Variants in KSR2 observed in about 807,000 individuals in gnomAD.
KSR2 encodes the protein kinase suppressor of ras 2.
KSR2 carries 25 observed loss-of-function variants against 107.8 expected under a neutral mutation model. The observed-to-expected ratio is 0.23, with a 90% confidence interval of 0.17 to 0.32. KSR2 has a LOEUF of 0.32. Ranked by LOEUF, KSR2 falls within the 10% of genes least tolerant of loss-of-function variation. KSR2 has a pLI of 1.00. For synonymous variants in KSR2, 480 were observed against 507.0 expected (o/e 0.95, Z 0.71); for missense variants, 887 against 1,268.9 (o/e 0.70, Z 4.57).
intron 9 of KSR2, among the ~76,000 whole-genome samples, chr12:117,554,930 C>A (rs1192298574): frequency 6.6e-6 from 1 of 152,186 alleles, no homozygotes; most frequent in Non-Finnish European, 1.5e-5. Context: ...TTCCTGGACA[C>A]CCTCATCCAT....
chr12:117,751,118 A>G (rs950368406), intron 4 of KSR2, among the ~76,000 whole-genome samples: 1 of 152,130 alleles, frequency 6.6e-6, no homozygotes, highest in Non-Finnish European at 1.5e-5. Context: ...TCCTGTTTTC[A>G]TGATAGTGAG....
chr12:117,953,601 G>A (rs541346821), intron 1 of KSR2, among the ~76,000 whole-genome samples: 1 of 152,286 alleles, frequency 6.6e-6, no homozygotes, highest in South Asian at 2.1e-4. Context: ...GGTACCTAGA[G>A]TATTAAGTTC....
At chr12:117,498,782 G>A (rs1162126528) in intron 14 of KSR2, among the ~76,000 whole-genome samples, 1 of 152,178 alleles carries the variant, frequency 6.6e-6, no homozygotes, top group African/African-American at 2.4e-5. Flanking sequence ...ATAAAGGGGA[G>A]TTTCCCTGCG....
intron 4 of KSR2, among the ~76,000 whole-genome samples, chr12:117,729,690 A>G (rs927184412): frequency 1.3e-5 from 2 of 151,318 alleles, no homozygotes; most frequent in South Asian, 2.1e-4. Context: ...CCATCCACCC[A>G]TCCACCCACC....
intron 14 of KSR2, among the ~76,000 whole-genome samples, chr12:117,524,195 C>CA (rs370618500): frequency 2.0e-5 from 3 of 151,780 alleles, no homozygotes; most frequent in Non-Finnish European, 2.9e-5. Flanking sequence ...GGGCCCCTTA[C>CA]AAAAAAAAGT....
At chr12:117,682,363 G>A (rs1885399204) in intron 4 of KSR2, among the ~76,000 whole-genome samples, 2 of 152,052 alleles carry the variant, frequency 1.3e-5, no homozygotes, top group African/African-American at 2.4e-5. Flanking sequence ...AAACCACCAT[G>A]GCACACATTT....
intron 10 of KSR2, among the ~76,000 whole-genome samples, chr12:117,533,592 A>T (rs1034219213): frequency 7.2e-5 from 11 of 152,240 alleles, no homozygotes; most frequent in African/African-American, 2.4e-4. Context: ...ATTAGATAAC[A>T]GAAGTTTTTT....
chr12:117,913,864 G>A (rs1017353032), intron 1 of KSR2, among the ~76,000 whole-genome samples: 6 of 152,060 alleles, frequency 3.9e-5, no homozygotes, highest in Non-Finnish European at 5.9e-5. Context: ...CTGGAGTCTC[G>A]GGACCCGCCG....
chr12:117,721,476 T>C (rs1198390793), intron 4 of KSR2, among the ~76,000 whole-genome samples: 3 of 152,196 alleles, frequency 2.0e-5, no homozygotes, highest in Non-Finnish European at 2.9e-5. Context: ...CCCAGAATTA[T>C]AGTTTATACC....
chr12:117,815,497 T>C (rs746479945), intron 3 of KSR2, among the ~76,000 whole-genome samples: 2 of 152,252 alleles, frequency 1.3e-5, no homozygotes, highest in Non-Finnish European at 2.9e-5. Context: ...TACCAAGTAC[T>C]ACTATGTACT....
At chr12:117,751,097 G>A (rs1888597198) in intron 4 of KSR2, among the ~76,000 whole-genome samples, 1 of 152,078 alleles carries the variant, frequency 6.6e-6, no homozygotes, top group Admixed American at 6.6e-5. Context: ...TCATGGGGGT[G>A]GTCTCCCCCA....
rs1870704467 is a variant in KSR2 at position 117,458,000 on chromosome 12, T to G, written c.*9199A>C. 1 of 152,210 alleles carries G rather than the reference T, an allele frequency of 6.6e-6. No homozygotes were observed. The highest frequency in any genetic ancestry group is 1.5e-5 in the Non-Finnish European group (1 of 68,060). 9.4% of individuals were successfully genotyped at this position (152,210 alleles called of 1,614,324 possible). A position where few individuals can be genotyped will look rare whatever the true frequency, so the allele number is the denominator to read the frequency against. On this transcript the variant is annotated 3_prime_UTR_variant, in exon 20 of 20. Transcript: ENST00000339824. ...CCATAGATCTACATGAGTTGCAAAT[T>G]TATATATTTGTGGTTGACTTGCTTC...
At chr12:117,772,601 A>G (rs907185256) in intron 3 of KSR2, among the ~76,000 whole-genome samples, 20 of 148,498 alleles carry the variant, frequency 1.3e-4, no homozygotes, top group African/African-American at 4.5e-4. Flanking sequence ...CCAAAGACGC[A>G]CACACACACA....
intron 5 of KSR2, among the ~76,000 whole-genome samples, chr12:117,642,890 G>A (rs1883443821): frequency 1.3e-5 from 2 of 152,126 alleles, no homozygotes; most frequent in South Asian, 2.1e-4. Context: ...TGGAAGGAAG[G>A]GGAGACCCAG....
chr12:117,834,381 A>T (rs1230856532), intron 3 of KSR2, among the ~76,000 whole-genome samples: 1 of 135,724 alleles, frequency 7.4e-6, no homozygotes, highest in African/African-American at 2.8e-5. Flanking sequence ...TGACTTCAAT[A>T]CTGAAAGTTT....
intron 4 of KSR2, among the ~76,000 whole-genome samples, chr12:117,675,374 T>C (rs1173292068): frequency 6.6e-6 from 1 of 152,222 alleles, no homozygotes; most frequent in Non-Finnish European, 1.5e-5. Context: ...CCAGTCTCCA[T>C]CTGCAAATCA....
intron 5 of KSR2, among the ~76,000 whole-genome samples, chr12:117,664,738 T>C (rs1023293294): frequency 1.6e-4 from 25 of 152,118 alleles, no homozygotes; most frequent in African/African-American, 4.3e-4. Context: ...AGTGATACAA[T>C]GCAGGCTAGA....
intron 4 of KSR2, among the ~76,000 whole-genome samples, chr12:117,756,662 T>C (rs1888802068): frequency 6.6e-6 from 1 of 152,232 alleles, no homozygotes; most frequent in South Asian, 2.1e-4. Context: ...TAAGGAGTAA[T>C]TTTATCTTTC....
intron 4 of KSR2, among the ~76,000 whole-genome samples, chr12:117,709,092 T>A (rs1358202671): frequency 2.0e-5 from 3 of 152,130 alleles, no homozygotes; most frequent in African/African-American, 2.4e-5. Context: ...GAGCCTTAAC[T>A]TAAACACACC....
Sources: gnomAD v4.1 joint callset for allele counts (sites outside exome capture counted in the v4.1 genomes callset) on GRCh38, gnomAD v4.1.1 for gene constraint, MANE v1.5 for transcripts, NCBI Gene and HGNC (gene_info 2026-07-23, HGNC 2026-07-21) for gene names.